Variants in ARSG observed in about 807,000 individuals in gnomAD.
The protein encoded by ARSG is arylsulfatase G.
A neutral mutation model predicts 50.5 loss-of-function variants in ARSG; 37 were observed. The ratio of observed to expected loss-of-function variants is 0.73; its 90% confidence interval spans 0.56 to 0.96. ARSG has a LOEUF of 0.96. ARSG is among the 50% of genes least tolerant of loss of function. The pLI is 0.00. For missense variants in ARSG, 629 were observed against 675.3 expected, an observed-to-expected ratio of 0.93 and a Z score of 0.76; for synonymous variants, 225 against 254.6, an observed-to-expected ratio of 0.88 and a Z score of 1.11.
At chr17:68,379,013 G>A (rs1255168476) in intron 8 of ARSG, among the ~76,000 whole-genome samples, 1 of 152,020 alleles carries the variant, frequency 6.6e-6, no homozygotes. Flanking sequence ...CCCTGGCTGG[G>A]GACAGGGCCT....
chr17:68,400,097 T>C (rs1358136667), intron 10 of ARSG: 1 of 152,240 alleles, frequency 6.6e-6, no homozygotes. Flanking sequence ...GACAGCTGTT[T>C]ACTGCTCCAA....
At chr17:68,326,720 G>A (rs1475498178) in intron 2 of ARSG, among the ~76,000 whole-genome samples, 3 of 152,216 alleles carry the variant, frequency 2.0e-5, no homozygotes, top group Non-Finnish European at 4.4e-5. Context: ...TTGTCTGGCT[G>A]GAGGGGAGAG....
rs782421181 is a variant in ARSG at position 68,269,673 on chromosome 17, G to GTTTTTTTTTTTTT, written c.-552+10253_-552+10265dup. ...TTATTTTCACTTGAGTTCACTTTAG[G>GTTTTTTTTTTTTT]TTTTTTTTTTTTTTTTTTAGACAGA... On this transcript the variant is annotated intron_variant, in intron 1 of 11. Coordinates refer to the ARSG transcript ENST00000448504. 1.2e-3 allele frequency among the ~76,000 whole-genome samples: 94 copies of GTTTTTTTTTTTTT among 77,840 alleles called. 5 individuals are homozygous for GTTTTTTTTTTTTT. The highest frequency in any genetic ancestry group is 1.8e-3 in the East Asian group (4 of 2,180). 51.1% of individuals were successfully genotyped at this position (77,840 alleles called of 152,430 possible).
chr17:68,391,033 G>C (rs547946032), intron 9 of ARSG, among the ~76,000 whole-genome samples: 1 of 151,866 alleles, frequency 6.6e-6, no homozygotes, highest in African/African-American at 2.4e-5. Context: ...GAAACGAACA[G>C]GGGAAGCTTT....
intron 6 of ARSG, among the ~76,000 whole-genome samples, chr17:68,360,335 T>C (rs2079223242): frequency 1.3e-5 from 2 of 152,210 alleles, no homozygotes; most frequent in Non-Finnish European, 2.9e-5. Flanking sequence ...CTCAGGTCCA[T>C]GCCCTTCCTC....
intron 2 of ARSG, among the ~76,000 whole-genome samples, chr17:68,329,819 A>C (rs1176227708): frequency 1.3e-5 from 2 of 152,208 alleles, no homozygotes; most frequent in African/African-American, 4.8e-5. Flanking sequence ...AGCTAAAAAA[A>C]ATCACAAAAA....
chr17:68,420,623 C>T lies in ARSG; in HGVS notation c.*160C>T. The T allele has an allele frequency of 1.2e-6, 1 of 827,248 alleles. No homozygotes were observed. Among genetic ancestry groups the T allele is most frequent in the Non-Finnish European group, 1.9e-6 (1 of 535,586 alleles). The allele number at this position is 827,248 out of a possible 1,614,324, so 51.2% of individuals were successfully genotyped here. A position where few individuals can be genotyped will look rare whatever the true frequency, so the allele number is the denominator to read the frequency against. On this transcript the variant is annotated 3_prime_UTR_variant, in exon 12 of 12. Transcript: ENST00000621439. Reference sequence around the variant, plus strand: ...ATCCCTTCTGTATCCTGTCCCTCCTCCACGCCGACCCGAGAGCAGCTGAGC... The same window carrying T: ...ATCCCTTCTGTATCCTGTCCCTCCTTCACGCCGACCCGAGAGCAGCTGAGC...
intron 1 of ARSG, among the ~76,000 whole-genome samples, chr17:68,298,364 A>G (rs543639361): frequency 6.6e-6 from 1 of 152,042 alleles, no homozygotes; most frequent in South Asian, 2.1e-4. Flanking sequence ...GCAATTTGGG[A>G]GGGTGAGGTG....
intron 7 of ARSG, among the ~76,000 whole-genome samples, chr17:68,370,022 A>G (rs996024311): frequency 3.3e-5 from 5 of 151,762 alleles, no homozygotes; most frequent in African/African-American, 9.7e-5. Flanking sequence ...ATTTATATTT[A>G]TTTATTTTTT....
At chr17:68,338,006 GA>G (rs1880864185) in intron 2 of ARSG, among the ~76,000 whole-genome samples, 1 of 152,130 alleles carries the variant, frequency 6.6e-6, no homozygotes, top group Non-Finnish European at 1.5e-5. Context: ...GGTCTCCGAG[GA>G]AAACCCCCCA....
intron 2 of ARSG, among the ~76,000 whole-genome samples, chr17:68,339,405 T>C (rs1325387612): frequency 6.6e-6 from 1 of 152,230 alleles, no homozygotes; most frequent in Non-Finnish European, 1.5e-5. Context: ...TGAACAAAAA[T>C]TCCCTGATGT....
chr17:68,318,462 T>C (rs1309764618), intron 2 of ARSG, among the ~76,000 whole-genome samples: 1 of 152,156 alleles, frequency 6.6e-6, no homozygotes, highest in Non-Finnish European at 1.5e-5. Context: ...TGGCCTAGGA[T>C]TTCTGAATGG....
At chr17:68,270,967 G>A in intron 1 of ARSG, 1 of 1,614,136 alleles carries the variant, frequency 6.2e-7, no homozygotes, top group Non-Finnish European at 8.5e-7. Context: ...CCCTCCTATT[G>A]TTCCAACCAT....
rs751997092 is a variant in ARSG, at chr17:68,368,640, G to T, written c.797G>T (p.Arg266Ile). 1 of 1,614,244 alleles carries T rather than the reference G, an allele frequency of 6.2e-7. No homozygotes were observed. The highest frequency in any genetic ancestry group is 1.1e-5 in the South Asian group (1 of 91,086). The change falls in exon 7 of 12, where the codon AGA becomes ATA. Residue 266 changes from arginine (R) to isoleucine (I), a missense_variant. Transcript: ENST00000621439. ...VTQLPAAPRGRSLYGAGLWEM... is the reference protein window; with the variant it reads ...VTQLPAAPRGISLYGAGLWEM... ...CAGCTACCAGCAGCGCCACGGGGCA[G>T]AAGCCTGTATGGTGCAGGGCTCTGG...
chr17:68,430,249 A>C, the ARSG span: 3 of 1,332,024 alleles, frequency 2.3e-6, no homozygotes, highest in Admixed American at 2.3e-5. Flanking sequence ...CATTAGCCAC[A>C]CTCCCCGCAG....
rs987894967 is a variant in ARSG at position 68,420,630 on chromosome 17, G to A, written c.*167G>A. 3 of 793,486 alleles carry A rather than the reference G, an allele frequency of 3.8e-6. No homozygotes were observed. The highest frequency in any genetic ancestry group is 1.7e-5 in the African/African-American group (1 of 57,642). 49.2% of individuals were successfully genotyped at this position (793,486 alleles called of 1,614,324 possible). On this transcript the variant is annotated 3_prime_UTR_variant, in exon 12 of 12. Transcript: ENST00000621439. Reference sequence around the variant, plus strand: ...CTGTATCCTGTCCCTCCTCCACGCCGACCCGAGAGCAGCTGAGCTGCGCTG... The same window carrying A: ...CTGTATCCTGTCCCTCCTCCACGCCAACCCGAGAGCAGCTGAGCTGCGCTG...
chr17:68,326,719 T>TGGAGGGGAGAGAGCTTGGGGA (rs2077519633), intron 2 of ARSG, among the ~76,000 whole-genome samples: 1 of 152,120 alleles, frequency 6.6e-6, no homozygotes, highest in Non-Finnish European at 1.5e-5. Flanking sequence ...CTTGTCTGGC[T>TGGAGGGGAGAGAGCTTGGGGA]GGAGGGGAGA....
the ARSG span, chr17:68,450,727 C>G: frequency 6.2e-7 from 1 of 1,604,826 alleles, no homozygotes; most frequent in Admixed American, 1.7e-5. Context: ...TCCCCACTTA[C>G]TTGCCGGTTC....
upstream of ARSG, among the ~76,000 whole-genome samples, chr17:68,289,559 C>T (rs1490268437): frequency 6.6e-6 from 1 of 152,150 alleles, no homozygotes; most frequent in Non-Finnish European, 1.5e-5. Context: ...AGGCGTAGCC[C>T]GGAGAACAGC....
Sources: gnomAD v4.1 joint callset for allele counts (sites outside exome capture counted in the v4.1 genomes callset) on GRCh38, gnomAD v4.1.1 for gene constraint, MANE v1.5 for transcripts, NCBI Gene and HGNC (gene_info 2026-07-23, HGNC 2026-07-21) for gene names.